RAB7B: variants seen among roughly 807,000 people sequenced by gnomAD.
RAB7B encodes RAB7B, member RAS oncogene family, also known as ras-related protein Rab-7b.
At chr1:205,984,085 G>C (rs1230872125) in intron 5 of RAB7B, 4 of 152,328 alleles carry the variant, frequency 2.6e-5, no homozygotes, top group Non-Finnish European at 5.9e-5. Flanking sequence ...AGGACAGCAA[G>C]AGCAGGCACG....
chr1:205,983,688 G>A (rs1446041375), intron 5 of RAB7B: 2 of 152,182 alleles, frequency 1.3e-5, no homozygotes, highest in African/African-American at 4.8e-5. Flanking sequence ...TACCACACCT[G>A]TGACCTCCAG....
At chr1:205,984,441 C>T (rs1377781236) in intron 5 of RAB7B, among the ~76,000 whole-genome samples, 53 of 152,302 alleles carry the variant, frequency 3.5e-4, no homozygotes, top group East Asian at 5.8e-4. Flanking sequence ...GCTTCCAGTC[C>T]CCCACCCTCA....
Position 205,977,066 on chromosome 1 carries a change from T to C in RAB7B, c.*1785A>G. The C allele has an allele frequency of 6.6e-6, 1 of 152,002 alleles. No individual in the cohort carries two copies. Among genetic ancestry groups the C allele is most frequent in the Non-Finnish European group, 1.5e-5 (1 of 68,010 alleles). The allele number at this position is 152,002 out of a possible 1,614,324, so 9.4% of individuals were successfully genotyped here. Reference sequence around the variant, plus strand: ...TGGCTCCCAAACTCCCCTGCTGACCTCCCCCCGGCCCCTAGGTGTACCTTC... The same window carrying C: ...TGGCTCCCAAACTCCCCTGCTGACCCCCCCCCGGCCCCTAGGTGTACCTTC... On this transcript the variant is annotated 3_prime_UTR_variant, in exon 6 of 6. Coordinates refer to ENST00000617070, the MANE Select transcript of RAB7B (RefSeq NM_001164522.3).
chr1:205,985,443 T>A, intron 5 of RAB7B, 97 bp downstream of exon 5: 1 of 397,126 alleles, frequency 2.5e-6, no homozygotes, highest in Non-Finnish European at 4.4e-6. Flanking sequence ...CCCACCCACA[T>A]CCCTGCCCAC....
chr1:205,997,802 C>T (rs1660828328), intron 1 of RAB7B, among the ~76,000 whole-genome samples: 1 of 152,168 alleles, frequency 6.6e-6, no homozygotes, highest in Non-Finnish European at 1.5e-5. Context: ...GGCATTGATA[C>T]AACGTGCTAA....
chr1:205,978,441 TGTGAG>T lies in RAB7B; in HGVS notation c.*405_*409del, dbSNP rs1660425975. On this transcript the variant is annotated 3_prime_UTR_variant, in exon 6 of 6. Transcript: ENST00000617070. The stretch of plus-strand genomic sequence containing the variant: ...CAAAGCTTTGCTTGTGGCTGAGGGG[TGTGAG>T]GTGGGAGCGGGTGAGGAAGGTCTGT... 1 of 155,488 alleles carries T rather than the reference TGTGAG, an allele frequency of 6.4e-6. No homozygotes were observed. The highest frequency in any genetic ancestry group is 1.4e-5 in the Non-Finnish European group (1 of 70,988). 9.6% of individuals were successfully genotyped at this position (155,488 alleles called of 1,614,324 possible).
At chr1:205,983,644 G>C (rs1225894170) in intron 5 of RAB7B, 2 of 152,174 alleles carry the variant, frequency 1.3e-5, no homozygotes, top group Non-Finnish European at 2.9e-5. Flanking sequence ...GAGAACCAGG[G>C]GAGGATTCAA....
chr1:206,001,032 AC>A (rs1327058576), intron 1 of RAB7B, among the ~76,000 whole-genome samples: 11 of 152,114 alleles, frequency 7.2e-5, no homozygotes, highest in African/African-American at 2.7e-4. Flanking sequence ...GTGTGCTGCT[AC>A]TGCAGGTTCC....
At chr1:205,986,937 G>A (rs1333726073) in intron 4 of RAB7B, among the ~76,000 whole-genome samples, 9 of 152,054 alleles carry the variant, frequency 5.9e-5, no homozygotes, top group Non-Finnish European at 1.3e-4. Flanking sequence ...CTGTCTTACT[G>A]GGATAAAAAG....
chr1:205,995,799 T>A (rs1660803544), intron 1 of RAB7B, among the ~76,000 whole-genome samples: 1 of 152,184 alleles, frequency 6.6e-6, no homozygotes, highest in Non-Finnish European at 1.5e-5. Context: ...ATTCAAGAGA[T>A]ATATTATACA....
intron 4 of RAB7B, among the ~76,000 whole-genome samples, 183 bp from the exon 5 acceptor site, chr1:205,985,848 T>TCCCCATCAGGCCCACCAGGCCCACCATC (rs1571792921): frequency 1.6e-4 from 1 of 6,402 alleles, no homozygotes; most frequent in Non-Finnish European, 3.7e-4. Context: ...CCACCACCAC[T>TCCCCATCAGGCCCACCAGGCCCACCATC]CCCATTTATT....
At chr1:205,985,800 CCCCACCAGG>C (rs1365565709) in intron 4 of RAB7B, 135 bp from the exon 5 acceptor site, 11 of 386,854 alleles carry the variant, frequency 2.8e-5, no homozygotes, top group Admixed American at 1.8e-4. Context: ...GGCCCACCAT[CCCCACCAGG>C]CCCACCAGGC....
intron 4 of RAB7B, among the ~76,000 whole-genome samples, chr1:205,988,284 A>C: frequency 7.1e-6 from 1 of 140,542 alleles, no homozygotes; most frequent in Non-Finnish European, 1.5e-5. Context: ...GCTGGAGCAC[A>C]GTGGTGTGAT....
chr1:205,994,735 T>C (rs1002663341), intron 1 of RAB7B, among the ~76,000 whole-genome samples: 3 of 152,234 alleles, frequency 2.0e-5, no homozygotes, highest in Non-Finnish European at 4.4e-5. Context: ...CCTCCACTTC[T>C]AGGAATTTGT....
intron 1 of RAB7B, 111 bp from the exon 2 acceptor site, chr1:205,994,262 C>T (rs944836070): frequency 7.6e-6 from 3 of 395,224 alleles, no homozygotes; most frequent in Admixed American, 4.4e-5. Context: ...TGCCCTGGGC[C>T]CGGGACTGGG....
intron 4 of RAB7B, among the ~76,000 whole-genome samples, chr1:205,987,333 G>A (rs1413376423): frequency 6.6e-5 from 10 of 152,138 alleles, no homozygotes. Flanking sequence ...GGGGACATGG[G>A]AAGTATGATA....
At chr1:206,001,988 A>T (rs1660900051) in intron 1 of RAB7B, among the ~76,000 whole-genome samples, 1 of 152,194 alleles carries the variant, frequency 6.6e-6, no homozygotes, top group Admixed American at 6.5e-5. Context: ...ACGAGTGAGC[A>T]GGGGCAGGTA....
chr1:205,977,723 G>A lies in RAB7B; in HGVS notation c.*1128C>T, dbSNP rs1172520481. The A allele has an allele frequency of 1.3e-5, 2 of 152,110 alleles. No homozygotes were observed. Among genetic ancestry groups the A allele is most frequent in the East Asian group, 1.9e-4 (1 of 5,174 alleles). 9.4% of individuals were successfully genotyped at this position (152,110 alleles called of 1,614,324 possible). Reference sequence around the variant, plus strand: ...CATGGCAAGCTTGTTTTTGCCTCAGGGCTTTGGGTCTTGATGCTCCCTCTC... The same window carrying A: ...CATGGCAAGCTTGTTTTTGCCTCAGAGCTTTGGGTCTTGATGCTCCCTCTC... On this transcript the variant is annotated 3_prime_UTR_variant, in exon 6 of 6. Transcript: ENST00000617070.
intron 5 of RAB7B, among the ~76,000 whole-genome samples, chr1:205,982,928 G>C (rs904785520): frequency 6.6e-6 from 1 of 152,200 alleles, no homozygotes; most frequent in Non-Finnish European, 1.5e-5. Flanking sequence ...CTATGCCCTA[G>C]TTAAGTGTGT....
Sources: gnomAD v4.1 joint callset for allele counts (sites outside exome capture counted in the v4.1 genomes callset) on GRCh38, gnomAD v4.1.1 for gene constraint, MANE v1.5 for transcripts, NCBI Gene and HGNC (gene_info 2026-07-23, HGNC 2026-07-21) for gene names.